OSGIN2: variants seen among roughly 807,000 people sequenced by gnomAD.
OSGIN2 encodes oxidative stress induced growth inhibitor family member 2.
OSGIN2 carries 19 observed loss-of-function variants against 53.8 expected under a neutral mutation model. That is an observed-to-expected ratio of 0.35 (90% CI 0.25 to 0.52). The LOEUF is 0.52. Among genes scored for constraint, OSGIN2 ranks in the 20% least tolerant of loss-of-function variants. OSGIN2 has a pLI of 0.95. For synonymous variants in OSGIN2, 236 were observed against 236.0 expected (o/e 1.00, Z 0.00); for missense variants, 520 against 662.7 (o/e 0.78, Z 2.36).
chr8:89,925,248 T>G lies in OSGIN2; in HGVS notation c.1366T>G (p.Leu456Val). ...KIFKLSAAVV[L>V]IGSHPNLSFL... Reference sequence around the variant, plus strand: ...ATTTAAGCTGTCTGCAGCAGTAGTATTGATAGGTTCTCATCCTAATCTGTC... The same window carrying G: ...ATTTAAGCTGTCTGCAGCAGTAGTAGTGATAGGTTCTCATCCTAATCTGTC... Residue 456 changes from leucine (L) to valine (V), a missense_variant, in exon 6 of 6, where the codon TTG becomes GTG. Transcript: ENST00000451899. 7 of 1,614,184 alleles carry G rather than the reference T, an allele frequency of 4.3e-6. No homozygotes were observed. The highest frequency in any genetic ancestry group is 5.9e-6 in the Non-Finnish European group (7 of 1,180,006).
chr8:89,908,770 A>C (rs1004795865), intron 1 of OSGIN2, among the ~76,000 whole-genome samples: 2 of 152,088 alleles, frequency 1.3e-5, no homozygotes, highest in African/African-American at 2.4e-5. Context: ...GAGAAAGAAA[A>C]ATTGGAAAAT....
rs1809315117 is a variant in OSGIN2, at chr8:89,925,829, T to C, written c.*297T>C. 3.4e-6 allele frequency: 1 copy of C among 293,350 alleles called. No homozygotes were observed. Among genetic ancestry groups the C allele is most frequent in the South Asian group, 5.4e-5 (1 of 18,606 alleles). 18.2% of individuals were successfully genotyped at this position (293,350 alleles called of 1,614,324 possible). Reference sequence around the variant, plus strand: ...ATTTTTCATGATCATTTTTGGTTATTTATTATACTTGATTCCAAAATAGTA... The same window carrying C: ...ATTTTTCATGATCATTTTTGGTTATCTATTATACTTGATTCCAAAATAGTA... On this transcript the variant is annotated 3_prime_UTR_variant, in exon 6 of 6. Transcript: ENST00000451899.
intron 2 of OSGIN2, among the ~76,000 whole-genome samples, chr8:89,911,850 A>G (rs58573572): frequency 0.038 from 5,810 of 152,060 alleles, 167 homozygotes; most frequent in South Asian, 0.1. Context: ...AGGCAGGAGA[A>G]TGGTGTGAAC....
chr8:89,914,567 T>G lies in OSGIN2; in HGVS notation c.349T>G (p.Leu117Val). ...TTTGTTCATTCAGGACTTAGAATAC[T>G]TGTCTGAGGGCCTTGAGGGCCGATC... ...LSIVDQDLEY[L>V]SEGLEGRSSN... The change falls in exon 4 of 6, where the codon TTG becomes GTG. Residue 117 changes from leucine to valine, a missense_variant. Transcript: ENST00000451899. 6.2e-7 allele frequency: 1 copy of G among 1,613,830 alleles called. No homozygotes were observed. Among genetic ancestry groups the G allele is most frequent in the Non-Finnish European group, 8.5e-7 (1 of 1,179,752 alleles).
intron 2 of OSGIN2, among the ~76,000 whole-genome samples, chr8:89,911,034 C>A: frequency 6.6e-6 from 1 of 152,182 alleles, no homozygotes; most frequent in East Asian, 1.9e-4. Flanking sequence ...CAACATGGGT[C>A]TTCCTGGGCC....
chr8:89,919,878 G>T (rs1177568256), intron 4 of OSGIN2, among the ~76,000 whole-genome samples: 1 of 152,100 alleles, frequency 6.6e-6, no homozygotes, highest in Non-Finnish European at 1.5e-5. Context: ...TATTTAGTTT[G>T]CATCCTTTAA....
chr8:89,924,741 A>C lies in OSGIN2; in HGVS notation c.859A>C (p.Ile287Leu), dbSNP rs1346103289. The change falls in exon 6 of 6, where the codon ATA becomes CTA. Residue 287 changes from isoleucine (I) to leucine (L), a missense_variant. By Grantham distance (5) the Ile-to-Leu change is conservative. This residue lies in a region of OSGIN2 where 239 missense variants were observed against 328.3 expected (regional missense o/e 0.73). Coordinates refer to ENST00000451899, the MANE Select transcript of OSGIN2 (RefSeq NM_001126111.3). Reference sequence around the variant, plus strand: ...CTGGGAAATTAGGGGTTATCAGCGAATAGCTGATGGTTCTCATGTTCCCTT... The same window carrying C: ...CTGGGAAATTAGGGGTTATCAGCGACTAGCTGATGGTTCTCATGTTCCCTT... The part of the protein sequence containing the change: ...RNWEIRGYQR[I>L]ADGSHVPFCL... 6.2e-7 allele frequency: 1 copy of C among 1,614,038 alleles called. No individual in the cohort carries two copies. The highest frequency in any genetic ancestry group is 1.7e-5 in the Admixed American group (1 of 60,022).
chr8:89,906,048 G>A (rs1182667425), intron 1 of OSGIN2, among the ~76,000 whole-genome samples: 1 of 152,140 alleles, frequency 6.6e-6, no homozygotes, highest in Non-Finnish European at 1.5e-5. Context: ...AAATGGAAAG[G>A]AATTCTATAT....
chr8:89,918,212 C>G (rs1809121559), intron 4 of OSGIN2, among the ~76,000 whole-genome samples: 1 of 152,158 alleles, frequency 6.6e-6, no homozygotes, highest in Non-Finnish European at 1.5e-5. Flanking sequence ...GTGTTCATAT[C>G]TTTCTTAGGT....
intron 2 of OSGIN2, among the ~76,000 whole-genome samples, chr8:89,910,544 G>A (rs991122981): frequency 1.3e-5 from 2 of 152,136 alleles, no homozygotes; most frequent in Admixed American, 1.3e-4. Context: ...AGGAAAAGAG[G>A]AGAGCAAGAT....
In OSGIN2 at chr8:89,909,696, A is replaced by C; in HGVS notation, c.174A>C (p.Ser58=). 6.2e-7 allele frequency: 1 copy of C among 1,609,046 alleles called. No individual in the cohort carries two copies. Among genetic ancestry groups the C allele is most frequent in the African/African-American group, 1.3e-5 (1 of 74,970 alleles). Residue 58 remains serine (S), a synonymous_variant, in exon 2 of 6, where the codon TCA becomes TCC. Transcript: ENST00000451899. ...VEETSLLEDS[S]VTFPVVIIGN... is the part of the protein sequence containing the mutation. ...AAACTTCTTTACTGGAAGATTCGTC[A>C]GTGACTTTTCCTGTGGTAATAATAG... is the stretch of plus-strand genomic sequence containing the variant.
chr8:89,916,875 C>T (rs781564217), intron 4 of OSGIN2, among the ~76,000 whole-genome samples: 9 of 152,156 alleles, frequency 5.9e-5, no homozygotes, highest in Non-Finnish European at 8.8e-5. Flanking sequence ...CCCTATGTCC[C>T]ATCAGGTTGG....
At chr8:89,921,270 TAAATGTACGTCTTTCAAATAAA>T in intron 5 of OSGIN2, 99 bp downstream of exon 5, 2 of 667,772 alleles carry the variant, frequency 3.0e-6, no homozygotes, top group Non-Finnish European at 5.3e-6. Flanking sequence ...CTGAAGAATA[TAAATGTACGTCTTTCAAATAAA>T]AATGTGTCCT....
chr8:89,924,372 G>T, intron 5 of OSGIN2, 131 bp from the exon 6 acceptor site: 2 of 636,046 alleles, frequency 3.1e-6, no homozygotes, highest in African/African-American at 1.8e-5. Flanking sequence ...TTTTTTAAGT[G>T]TTAGGATAAT....
At chr8:89,909,798 GTTC>G in intron 2 of OSGIN2, 77 bp downstream of exon 2, 1 of 935,474 alleles carries the variant, frequency 1.1e-6, no homozygotes, top group Non-Finnish European at 1.5e-6. Flanking sequence ...GTTAGTACAA[GTTC>G]TTAAGATTTT....
In OSGIN2 at chr8:89,914,751, G is replaced by A; in HGVS notation, c.528+5G>A. 6.2e-7 allele frequency: 1 copy of A among 1,606,554 alleles called. No homozygotes were observed. The highest frequency in any genetic ancestry group is 8.5e-7 in the Non-Finnish European group (1 of 1,173,996). ...CCACCTGGTGGGGCTTGGCATGTGA[G>A]TATATTTTTCTTAGCATTTTAGTGT... On this transcript the variant is annotated splice_donor_5th_base_variant and intron_variant, in intron 4 of 5. Coordinates refer to ENST00000451899, the MANE Select transcript of OSGIN2 (RefSeq NM_001126111.3).
rs1809361192 is a variant in OSGIN2 at position 89,927,307 on chromosome 8, A to C, written c.*1775A>C. On this transcript the variant is annotated 3_prime_UTR_variant, in exon 6 of 6. Coordinates refer to ENST00000451899, the MANE Select transcript of OSGIN2 (RefSeq NM_001126111.3). ...GAGAGTATTTGTTAAAAAAAAAAAA[A>C]GACTTCAAGAAAAATAAAAGTTCAG... is the stretch of plus-strand genomic sequence containing the variant. 6.6e-6 allele frequency: 1 copy of C among 151,530 alleles called. No individual in the cohort carries two copies. Among genetic ancestry groups the C allele is most frequent in the Non-Finnish European group, 1.5e-5 (1 of 67,874 alleles). 9.4% of individuals were successfully genotyped at this position (151,530 alleles called of 1,614,324 possible). A position where few individuals can be genotyped will look rare whatever the true frequency, so the allele number is the denominator to read the frequency against.
At chr8:89,911,612 A>G (rs1808968513) in intron 2 of OSGIN2, among the ~76,000 whole-genome samples, 1 of 149,612 alleles carries the variant, frequency 6.7e-6, no homozygotes, top group African/African-American at 2.5e-5. Context: ...CTTGGGCGAC[A>G]AGTGAAACTC....
chr8:89,924,600 A>G lies in OSGIN2; in HGVS notation c.718A>G (p.Thr240Ala). The G allele has an allele frequency of 1.2e-6, 2 of 1,613,472 alleles. No homozygotes were observed. Among genetic ancestry groups the G allele is most frequent in the Non-Finnish European group, 1.7e-6 (2 of 1,179,380 alleles). The change falls in exon 6 of 6, where the codon ACT becomes GCT. Residue 240 changes from threonine (T) to alanine (A), a missense_variant. By Grantham distance (58) the Thr-to-Ala change is moderately conservative. This residue lies in a region of OSGIN2 where 78 missense variants were observed against 59.1 expected (regional missense o/e 1.32). Coordinates refer to ENST00000451899, the MANE Select transcript of OSGIN2 (RefSeq NM_001126111.3). ...TCTTCAGAAGAATTTCAGAGAGAAT[A>G]CTTACATAACTTCCGTATCAAGACT... ...MGLQKNFRENTYITSVSRLYR... is the reference protein window; with the variant it reads ...MGLQKNFRENAYITSVSRLYR...
Sources: gnomAD v4.1 joint callset for allele counts (sites outside exome capture counted in the v4.1 genomes callset) on GRCh38, gnomAD v4.1.1 for gene constraint, gnomAD v4.1.1 regional missense constraint, MANE v1.5 for transcripts, NCBI Gene and HGNC (gene_info 2026-07-23, HGNC 2026-07-21) for gene names.